The following SCLT1 variants were observed in gnomAD, a reference collection of about 807,000 sequenced individuals.
The protein encoded by SCLT1 is sodium channel and clathrin linker 1, also known as sodium channel-associated protein 1.
A neutral mutation model predicts 112.8 loss-of-function variants in SCLT1; 78 were observed. The ratio of observed to expected loss-of-function variants is 0.69; its 90% CI spans 0.58 to 0.83. The LOEUF (loss-of-function observed/expected upper bound fraction) is 0.83, where lower values mean the gene tolerates loss of function less well. SCLT1 is among the 40% of genes least tolerant of loss of function. The pLI is 0.00. For missense variants in SCLT1, 747 were observed against 770.4 expected (o/e 0.97, Z 0.36); for synonymous variants, 257 against 254.7 (o/e 1.01, Z -0.09).
chr4:128,958,963 C>T (rs1430078454), intron 12 of SCLT1, among the ~76,000 whole-genome samples: 2 of 152,022 alleles, frequency 1.3e-5, no homozygotes, highest in Admixed American at 6.6e-5. Flanking sequence ...ACTAGGCATT[C>T]GATGAATGTT....
intron 5 of SCLT1, among the ~76,000 whole-genome samples, chr4:129,032,579 C>T (rs543068846): frequency 2.6e-5 from 4 of 151,844 alleles, no homozygotes; most frequent in Non-Finnish European, 5.9e-5. Flanking sequence ...AAAATTTTTT[C>T]AAGCTATCCA....
chr4:129,026,881 C>T (rs1285764488), intron 5 of SCLT1, among the ~76,000 whole-genome samples: 1 of 152,194 alleles, frequency 6.6e-6, no homozygotes, highest in South Asian at 2.1e-4. Context: ...CACCACTGAT[C>T]TCACAGAAAT....
intron 18 of SCLT1, among the ~76,000 whole-genome samples, chr4:128,927,875 T>A (rs551764217): frequency 2.2e-4 from 33 of 151,510 alleles, no homozygotes; most frequent in South Asian, 4.2e-4. Flanking sequence ...ATAAGAGTGA[T>A]AACAAAAAAA....
downstream of SCLT1, among the ~76,000 whole-genome samples, chr4:128,882,283 G>A (rs566237753): frequency 5.9e-5 from 9 of 152,060 alleles, no homozygotes; most frequent in Non-Finnish European, 1.3e-4. Flanking sequence ...ACCTGGGAAG[G>A]AATTTAAAGA....
chr4:128,900,842 C>T (rs1337878512), intron 18 of SCLT1, among the ~76,000 whole-genome samples: 2 of 151,794 alleles, frequency 1.3e-5, no homozygotes, highest in African/African-American at 4.8e-5. Flanking sequence ...AAAAAAACAA[C>T]CCCATCAAAA....
chr4:128,913,038 C>T (rs1478407139), intron 18 of SCLT1, among the ~76,000 whole-genome samples: 1 of 152,190 alleles, frequency 6.6e-6, no homozygotes, highest in Non-Finnish European at 1.5e-5. Flanking sequence ...CAAGATTTCA[C>T]TTAAGTAGGA....
chr4:128,960,270 T>A (rs1739572072), intron 11 of SCLT1, among the ~76,000 whole-genome samples: 1 of 152,160 alleles, frequency 6.6e-6, no homozygotes, highest in South Asian at 2.1e-4. Flanking sequence ...TATGTACATA[T>A]ATATATATAC....
chr4:129,042,113 C>A (rs564387005), intron 4 of SCLT1, among the ~76,000 whole-genome samples: 1 of 152,212 alleles, frequency 6.6e-6, no homozygotes, highest in South Asian at 2.1e-4. Flanking sequence ...ACCCTGCCAC[C>A]CTTGCTACAA....
At chr4:129,039,893 C>T (rs73847387) in intron 4 of SCLT1, 2,935 of 244,102 alleles carry the variant, frequency 0.012, 72 homozygotes, top group Admixed American at 0.066. Context: ...GGAGAGTGTG[C>T]GCGCGCGCAC....
chr4:128,919,986 C>T (rs1206585683), intron 18 of SCLT1, among the ~76,000 whole-genome samples: 1 of 152,070 alleles, frequency 6.6e-6, no homozygotes, highest in African/African-American at 2.4e-5. Flanking sequence ...GAGCTGATAC[C>T]ATTCCTACTG....
chr4:129,045,408 A>G (rs1689797566), intron 2 of SCLT1, among the ~76,000 whole-genome samples: 1 of 152,146 alleles, frequency 6.6e-6, no homozygotes, highest in African/African-American at 2.4e-5. Context: ...CATTCGTAAC[A>G]TGACCAGAAA....
At chr4:129,058,875 T>G (rs760684314) in intron 2 of SCLT1, among the ~76,000 whole-genome samples, 6 of 152,152 alleles carry the variant, frequency 3.9e-5, no homozygotes, top group Non-Finnish European at 5.9e-5. Context: ...TTATATTTAT[T>G]CTTGATCACA....
At chr4:128,917,385 T>C (rs1735561668) in intron 18 of SCLT1, among the ~76,000 whole-genome samples, 1 of 152,228 alleles carries the variant, frequency 6.6e-6, no homozygotes, top group African/African-American at 2.4e-5. Context: ...CTACTGTTTC[T>C]TAATTATTAT....
At chr4:128,895,247 T>G (rs1390306701) in intron 18 of SCLT1, among the ~76,000 whole-genome samples, 2 of 152,182 alleles carry the variant, frequency 1.3e-5, no homozygotes, top group African/African-American at 4.8e-5. Flanking sequence ...CTCTAGCATA[T>G]TTCTCTTTCC....
intron 18 of SCLT1, among the ~76,000 whole-genome samples, chr4:128,923,527 C>T (rs1198200353): frequency 6.6e-6 from 1 of 151,556 alleles, no homozygotes; most frequent in Non-Finnish European, 1.5e-5. Flanking sequence ...CACTGCCCCA[C>T]CCCTCAAATC....
intron 2 of SCLT1, among the ~76,000 whole-genome samples, chr4:129,054,514 G>T (rs113217488): frequency 0.014 from 2,137 of 152,032 alleles, 52 homozygotes; most frequent in African/African-American, 0.046. Context: ...TTCAATCTCT[G>T]ATATCCTTTC....
At chr4:128,989,395 T>G (rs1742369840) in intron 9 of SCLT1, among the ~76,000 whole-genome samples, 1 of 151,178 alleles carries the variant, frequency 6.6e-6, no homozygotes, top group African/African-American at 2.4e-5. Context: ...ATTAACCAAT[T>G]TAGAAGGAAA....
intron 18 of SCLT1, among the ~76,000 whole-genome samples, chr4:128,896,082 G>A (rs1027095932): frequency 1.4e-5 from 2 of 145,368 alleles, no homozygotes; most frequent in Non-Finnish European, 3.0e-5. Flanking sequence ...AAGGAGGCCT[G>A]CCTGCCTCTG....
intron 5 of SCLT1, among the ~76,000 whole-genome samples, chr4:129,026,037 CACAT>C (rs1746036303): frequency 6.6e-6 from 1 of 152,154 alleles, no homozygotes; most frequent in Non-Finnish European, 1.5e-5. Context: ...CAGGAGCACC[CACAT>C]ACATAAAGCA....
Sources: allele counts gnomAD v4.1 joint callset (sites outside exome capture counted in the v4.1 genomes callset), GRCh38; gene constraint gnomAD v4.1.1; transcripts MANE v1.5; gene names NCBI Gene and HGNC (gene_info 2026-07-23, HGNC 2026-07-21).